Variants in HIPK2 observed in about 807,000 individuals in gnomAD.
The protein encoded by HIPK2 is homeodomain-interacting protein kinase 2.
Under a neutral mutation model 113.7 loss-of-function variants are expected in HIPK2, and 27 were observed. That is an observed-to-expected ratio of 0.24 (90% CI 0.17 to 0.33). The LOEUF is 0.33. Ranked by LOEUF, HIPK2 falls within the 10% of genes least tolerant of loss-of-function variation. HIPK2 has a pLI of 1.00. For missense variants in HIPK2, 1,257 were observed against 1,588.0 expected, an observed-to-expected ratio of 0.79 and a Z score of 3.54; for synonymous variants, 631 against 642.2, an observed-to-expected ratio of 0.98 and a Z score of 0.26.
chr7:139,744,518 A>C (rs1796158724), intron 1 of HIPK2, among the ~76,000 whole-genome samples: 1 of 152,246 alleles, frequency 6.6e-6, no homozygotes, highest in South Asian at 2.1e-4. Context: ...CTTAGTGAAC[A>C]GGCTAAAAGC....
At position 139,601,435 on chromosome 7, in the gene HIPK2, C is replaced by T. The variant is rs567407897; in HGVS notation, c.2256-839G>A. ...AAAACAAACTTTGAAGCCTGGGAGC[C>T]ATATGCTTCTGGTGTTAGGAAGTGT... On this transcript the variant is annotated intron_variant, in intron 10 of 14. Coordinates refer to ENST00000406875, the MANE Select transcript of HIPK2 (RefSeq NM_022740.5). Among the ~76,000 whole-genome samples, 52 of 152,148 alleles carry T rather than the reference C, an allele frequency of 3.4e-4. 1 individual carries two copies. The highest frequency in any genetic ancestry group is 6.2e-4 in the Non-Finnish European group (42 of 68,030).
intron 1 of HIPK2, among the ~76,000 whole-genome samples, chr7:139,731,791 C>A (rs1795790851): frequency 6.6e-6 from 1 of 152,172 alleles, no homozygotes; most frequent in Non-Finnish European, 1.5e-5. Flanking sequence ...ATCCTTCTTA[C>A]TTGATTTAAA....
chr7:139,664,125 C>G (rs1298868822), intron 2 of HIPK2, among the ~76,000 whole-genome samples: 1 of 149,474 alleles, frequency 6.7e-6, no homozygotes. Context: ...CTCCTGAAGT[C>G]AAACAAACAA....
intron 1 of HIPK2, among the ~76,000 whole-genome samples, chr7:139,750,109 C>T (rs1796256114): frequency 6.6e-6 from 1 of 152,220 alleles, no homozygotes; most frequent in African/African-American, 2.4e-5. Flanking sequence ...CTTCTGACCT[C>T]CATACTCTTT....
At chr7:139,671,247 T>C (rs1400563158) in intron 2 of HIPK2, among the ~76,000 whole-genome samples, 1 of 152,162 alleles carries the variant, frequency 6.6e-6, no homozygotes, top group African/African-American at 2.4e-5. Context: ...GGAATTGAAA[T>C]TGGCATGTCA....
In HIPK2 at chr7:139,634,674, GT is replaced by G. The variant is rs1181829827; in HGVS notation, c.1104-2950del. On this transcript the variant is annotated intron_variant, in intron 2 of 14. Transcript: ENST00000406875. The stretch of plus-strand genomic sequence containing the variant: ...AAAAAGAAGGGACTATCTGTTTCAG[GT>G]TTTTTTTTTTTTTTTTTTTTGAGAC... Among the ~76,000 whole-genome samples, 153 of 113,628 alleles carry G rather than the reference GT, an allele frequency of 1.3e-3. 1 individual carries two copies. The highest frequency in any genetic ancestry group is 2.5e-3 in the Admixed American group (28 of 11,304). 74.5% of individuals were successfully genotyped at this position (113,628 alleles called of 152,430 possible).
intron 1 of HIPK2, among the ~76,000 whole-genome samples, chr7:139,737,110 A>G (rs542840427): frequency 7.9e-5 from 12 of 152,266 alleles, no homozygotes; most frequent in African/African-American, 2.4e-4. Context: ...CTCTCTCTGC[A>G]TGAATTCATT....
At chr7:139,766,184 G>A (rs759469170) in intron 1 of HIPK2, among the ~76,000 whole-genome samples, 24 of 152,178 alleles carry the variant, frequency 1.6e-4, no homozygotes, top group Admixed American at 6.5e-5. Flanking sequence ...GTGCCTCTGT[G>A]TAACACTGTG....
At chr7:139,608,339 T>C (rs1369908599) in intron 9 of HIPK2, among the ~76,000 whole-genome samples, 1 of 145,084 alleles carries the variant, frequency 6.9e-6, no homozygotes, top group African/African-American at 2.6e-5. Flanking sequence ...AATATATATA[T>C]AACAGGGATA....
At chr7:139,590,052 C>A (rs111978451) in intron 12 of HIPK2, among the ~76,000 whole-genome samples, 81 of 152,306 alleles carry the variant, frequency 5.3e-4, no homozygotes, top group African/African-American at 1.9e-3. Context: ...AAATGAGTCA[C>A]TTTAGAAATG....
At chr7:139,672,254 T>C (rs573554238) in intron 2 of HIPK2, among the ~76,000 whole-genome samples, 3 of 152,224 alleles carry the variant, frequency 2.0e-5, no homozygotes, top group Non-Finnish European at 4.4e-5. Context: ...ATTGATTAGC[T>C]AGTGATTTAG....
rs186615593 is a variant in HIPK2, at chr7:139,644,191, G to T, written c.1104-12466C>A. Among the ~76,000 whole-genome samples, 3 of 152,070 alleles carry T rather than the reference G, an allele frequency of 2.0e-5. No individual in the cohort carries two copies. The East Asian group carries it at 5.8e-4, about 29-fold the overall frequency. ...TATCTTTTTTTTTAATTATGAAAGAGAATATATATACAAAGAAGTATACAA... is the reference window on the plus strand; with the variant it reads ...TATCTTTTTTTTTAATTATGAAAGATAATATATATACAAAGAAGTATACAA... On this transcript the variant is annotated intron_variant, in intron 2 of 14. Transcript: ENST00000406875.
chr7:139,752,852 T>G (rs544552973), intron 1 of HIPK2, among the ~76,000 whole-genome samples: 45 of 152,290 alleles, frequency 3.0e-4, no homozygotes, highest in Non-Finnish European at 5.4e-4. Flanking sequence ...ATTCCTGAAC[T>G]TCCCACATTA....
intron 7 of HIPK2, among the ~76,000 whole-genome samples, chr7:139,617,726 G>T (rs150171257): frequency 6.6e-6 from 1 of 152,336 alleles, no homozygotes; most frequent in Non-Finnish European, 1.5e-5. Context: ...GTAGATTCAT[G>T]ATCATTTGGG....
At position 139,716,541 on chromosome 7, in the gene HIPK2, G is replaced by C; in HGVS notation, c.494C>G (p.Thr165Ser). The C allele has an allele frequency of 6.2e-7, 1 of 1,614,034 alleles. No homozygotes were observed. Among genetic ancestry groups the C allele is most frequent in the Non-Finnish European group, 8.5e-7 (1 of 1,179,900 alleles). Residue 165 changes from threonine (T) to serine (S), a missense_variant, in exon 2 of 15, where the codon ACT becomes AGT. By Grantham distance (58) the Thr-to-Ser change is moderately conservative. This residue lies in a region of HIPK2 where 209 missense variants were observed against 237.8 expected (regional missense o/e 0.88). Coordinates refer to ENST00000406875, the MANE Select transcript of HIPK2 (RefSeq NM_022740.5). The surrounding 1 kb of genome is among the most constrained non-coding windows in gnomAD (Gnocchi z 9.3). ...GGAGGTGGCAGTAGACGTGGTGGCA[G>C]TGGCGACAGTGGCCCCGCTTGCATT... ...QNNASGATVA[T>S]ATTSTATSKN...
intron 2 of HIPK2, among the ~76,000 whole-genome samples, chr7:139,662,429 G>C (rs1420606529): frequency 6.6e-6 from 1 of 152,158 alleles, no homozygotes; most frequent in Non-Finnish European, 1.5e-5. Context: ...GAGGTCACAT[G>C]GGTACCCTGT....
chr7:139,731,168 CT>C (rs1000714176), intron 1 of HIPK2, among the ~76,000 whole-genome samples: 8 of 152,344 alleles, frequency 5.3e-5, no homozygotes, highest in Admixed American at 5.2e-4. Flanking sequence ...CATGTCTGTA[CT>C]CAAGCTATGA....
chr7:139,682,945 G>C (rs1258041279), intron 2 of HIPK2, among the ~76,000 whole-genome samples: 2 of 152,222 alleles, frequency 1.3e-5, no homozygotes, highest in Non-Finnish European at 2.9e-5. Context: ...GCCACAGACA[G>C]GAAGTGGGGT....
chr7:139,758,161 T>C (rs1331218158), intron 1 of HIPK2, among the ~76,000 whole-genome samples: 1 of 152,154 alleles, frequency 6.6e-6, no homozygotes, highest in Non-Finnish European at 1.5e-5. Flanking sequence ...CTAAAGTTCA[T>C]ATGGAATAAC....
Sources: allele counts gnomAD v4.1 joint callset (sites outside exome capture counted in the v4.1 genomes callset), GRCh38; gene constraint gnomAD v4.1.1; regional missense constraint gnomAD v4.1.1; non-coding constraint Gnocchi (gnomAD v3.1); transcripts MANE v1.5; gene names NCBI Gene and HGNC (gene_info 2026-07-23, HGNC 2026-07-21).